PM20D1: variants seen among roughly 807,000 people sequenced by gnomAD.
PM20D1 encodes peptidase M20 domain containing 1, also known as N-fatty-acyl-amino acid synthase/hydrolase PM20D1.
PM20D1 carries 53 observed loss-of-function variants against 53.8 expected under a neutral mutation model. The observed-to-expected ratio is 0.98, with a 90% CI of 0.79 to 1.24. The LOEUF (loss-of-function observed/expected upper bound fraction) is 1.24, where lower values mean the gene tolerates loss of function less well. Among genes scored for constraint, PM20D1 ranks in the 50% most tolerant of loss-of-function variants. The probability of loss-of-function intolerance (pLI) is 0.00; values close to 1 mark genes in which losing one functional copy is unlikely to be tolerated. For synonymous variants in PM20D1, 239 were observed against 241.3 expected, an observed-to-expected ratio of 0.99 and a Z score of 0.09; for missense variants, 564 against 616.8, an observed-to-expected ratio of 0.91 and a Z score of 0.91.
At chr1:205,830,221 A>G (rs1656526714) in intron 12 of PM20D1, 59 bp downstream of exon 12, 3 of 1,311,770 alleles carry the variant, frequency 2.3e-6, no homozygotes, top group South Asian at 2.4e-5. Flanking sequence ...GGGGTAGGAA[A>G]AGGACACATC....
intron 9 of PM20D1, 71 bp from the exon 10 acceptor site, chr1:205,840,394 G>T: frequency 2.8e-6 from 4 of 1,409,290 alleles, no homozygotes; most frequent in South Asian, 2.5e-5. Context: ...CCCAGGAAAT[G>T]CTAATTTCCT....
At chr1:205,839,216 A>G (rs576917242) in intron 10 of PM20D1, among the ~76,000 whole-genome samples, 1 of 152,326 alleles carries the variant, frequency 6.6e-6, no homozygotes, top group East Asian at 1.9e-4. Flanking sequence ...CTATTCGTTA[A>G]GCCACAATGA....
At chr1:205,846,362 G>C (rs555643084) in intron 2 of PM20D1, among the ~76,000 whole-genome samples, 9 of 152,036 alleles carry the variant, frequency 5.9e-5, no homozygotes, top group African/African-American at 2.2e-4. Context: ...CTCCAGCCTG[G>C]CTGACACAGC....
chr1:205,843,736 A>G lies in PM20D1; in HGVS notation c.758T>C (p.Met253Thr). Residue 253 changes from methionine to threonine, a missense_variant, in exon 6 of 13, where the codon ATG (methionine) becomes ACG (threonine). Transcript: ENST00000367136. ...GSMNLMLQVN[M>T]TSGHSSAPPK... Reference sequence around the variant, plus strand: ...AGGAGCTGAAGAGTGGCCTGAAGTCATGTTTACTTGCAGCATGAGGTTCAT... The same window carrying G: ...AGGAGCTGAAGAGTGGCCTGAAGTCGTGTTTACTTGCAGCATGAGGTTCAT... 1 of 1,614,150 alleles carries G rather than the reference A, an allele frequency of 6.2e-7. No individual in the cohort carries two copies.
rs1415274990 is a variant in PM20D1, at chr1:205,832,598, C to T, written c.1285G>A (p.Val429Ile). 2 of 1,613,982 alleles carry T rather than the reference C, an allele frequency of 1.2e-6. No individual in the cohort carries two copies. Among genetic ancestry groups the T allele is most frequent in the Non-Finnish European group, 1.7e-6 (2 of 1,179,998 alleles). Residue 429 changes from valine (V) to isoleucine (I), a missense_variant and splice_region_variant, in exon 11 of 13, where the codon GTT becomes ATT. By Grantham distance (29) the Val-to-Ile change is conservative. Coordinates refer to ENST00000367136, the MANE Select transcript of PM20D1 (RefSeq NM_152491.5). ...VFPEVNITAP[V>I]TSIGNTDSRF... The stretch of plus-strand genomic sequence containing the variant: ...CAGCCACAGCTGATGAAGTCATTAC[C>T]TGGGGCAGTAATATTGACTTCCGGG...
chr1:205,828,821 C>G, intron 12 of PM20D1, 78 bp from the exon 13 acceptor site: 1 of 1,553,804 alleles, frequency 6.4e-7, no homozygotes, highest in Middle Eastern at 1.7e-4. Context: ...AGAGCACTTC[C>G]CTTACTTCCC....
In PM20D1 at chr1:205,845,518, T is replaced by C; in HGVS notation, c.296A>G (p.Glu99Gly). The change falls in exon 3 of 13, where the codon GAA becomes GGA. Residue 99 changes from glutamate to glycine, a missense_variant. Transcript: ENST00000367136. ...CAGGTGGCTATACTCTTCCACGACT[T>C]CATGCTGGATAAAGCTGGTGCTGAC... Reference protein sequence around the residue: ...TVVSTSFIQHEVVEEYSHLFT... With the variant: ...TVVSTSFIQHGVVEEYSHLFT... The C allele has an allele frequency of 6.2e-7, 1 of 1,614,180 alleles. No homozygotes were observed.
At chr1:205,835,545 G>T (rs908566246) in intron 10 of PM20D1, among the ~76,000 whole-genome samples, 1 of 151,564 alleles carries the variant, frequency 6.6e-6, no homozygotes, top group East Asian at 1.9e-4. Flanking sequence ...CCGGCTGCTC[G>T]GGAGGCTGAG....
In PM20D1 at chr1:205,844,870, G is replaced by A; in HGVS notation, c.517C>T (p.Leu173=). 1.2e-6 allele frequency: 2 copies of A among 1,613,906 alleles called. No individual in the cohort carries two copies. Among genetic ancestry groups the A allele is most frequent in the Non-Finnish European group, 1.7e-6 (2 of 1,179,994 alleles). Residue 173 remains leucine (L), a synonymous_variant, in exon 4 of 13, where the codon CTG becomes TTG. Coordinates refer to ENST00000367136, the MANE Select transcript of PM20D1 (RefSeq NM_152491.5). ...CTTCGGGGGATGTACTTCCTGATCA[G>A]CAGGAGCTCCAAGGCCTGCAGTAAT... The part of the protein sequence containing the change: ...MALLQALELL[L]IRKYIPRRSF...
At chr1:205,849,587 T>A (rs1435118535) in intron 1 of PM20D1, among the ~76,000 whole-genome samples, 1 of 152,130 alleles carries the variant, frequency 6.6e-6, no homozygotes, top group Non-Finnish European at 1.5e-5. Flanking sequence ...AAAATTGATG[T>A]ACAAATGAAA....
chr1:205,828,936 T>C (rs1656500040), intron 12 of PM20D1, among the ~76,000 whole-genome samples, 193 bp from the exon 13 acceptor site: 1 of 152,238 alleles, frequency 6.6e-6, no homozygotes, highest in African/African-American at 2.4e-5. Flanking sequence ...CAGGGATCCA[T>C]CTATGCTCGT....
intron 10 of PM20D1, 88 bp from the exon 11 acceptor site, chr1:205,832,854 C>CCCT: frequency 7.1e-7 from 1 of 1,406,862 alleles, no homozygotes; most frequent in South Asian, 1.5e-5. Flanking sequence ...TTCTTTCCAG[C>CCCT]AAGGCAGAGC....
intron 10 of PM20D1, among the ~76,000 whole-genome samples, chr1:205,835,710 G>A (rs1656672373): frequency 6.6e-6 from 1 of 150,700 alleles, no homozygotes; most frequent in African/African-American, 2.4e-5. Context: ...CCTGGCACAT[G>A]GTAAGCACTC....
At chr1:205,842,283 C>T in intron 7 of PM20D1, 68 bp from the exon 8 acceptor site, 1 of 1,423,224 alleles carries the variant, frequency 7.0e-7, no homozygotes, top group Non-Finnish European at 9.9e-7. Context: ...AGACCTGAGT[C>T]TCTCTCTACT....
Position 205,834,190 on chromosome 1 carries a change from G to C in PM20D1, c.1117-1424C>G, listed in dbSNP as rs1273854134. On this transcript the variant is annotated intron_variant, in intron 10 of 12. Coordinates refer to ENST00000367136, the MANE Select transcript of PM20D1 (RefSeq NM_152491.5). ...TTTTTTTTTGAGACAGAATCTCGCTGTGTCGCCCAGGCTGGAGTGCAGTGG... is the reference window on the plus strand; with the variant it reads ...TTTTTTTTTGAGACAGAATCTCGCTCTGTCGCCCAGGCTGGAGTGCAGTGG... 4.3e-3 allele frequency among the ~76,000 whole-genome samples: 477 copies of C among 111,736 alleles called. No homozygotes were observed. In the Middle Eastern group the frequency reaches 0.056, roughly 13 times the overall value. 73.3% of individuals were successfully genotyped at this position (111,736 alleles called of 152,430 possible).
At chr1:205,849,819 C>A (rs1303954800) in intron 1 of PM20D1, 85 bp downstream of exon 1, 10 of 1,489,860 alleles carry the variant, frequency 6.7e-6, no homozygotes, top group Non-Finnish European at 9.1e-6. Flanking sequence ...AGATGCTTTG[C>A]GGCGGAAGCG....
At chr1:205,839,616 C>A (rs1182241690) in intron 10 of PM20D1, among the ~76,000 whole-genome samples, 1 of 151,740 alleles carries the variant, frequency 6.6e-6, no homozygotes, top group East Asian at 1.9e-4. Context: ...AAGGCCGAGG[C>A]GGGTGGCTCA....
chr1:205,830,366 G>A lies in PM20D1; in HGVS notation c.1299C>T (p.Gly433=). 1 of 1,607,938 alleles carries A rather than the reference G, an allele frequency of 6.2e-7. No individual in the cohort carries two copies. The highest frequency in any genetic ancestry group is 8.5e-7 in the Non-Finnish European group (1 of 1,174,402). The part of the protein sequence containing the change: ...VNITAPVTSI[G]NTDSRFFTNL... Reference sequence around the variant, plus strand: ...TTGTAAAGAATCGGCTGTCTGTGTTGCCAATAGAAGTAACTAGAGAGGGAA... The same window carrying A: ...TTGTAAAGAATCGGCTGTCTGTGTTACCAATAGAAGTAACTAGAGAGGGAA... The change falls in exon 12 of 13, where the codon GGC becomes GGT. Residue 433 remains glycine, a synonymous_variant. Coordinates refer to ENST00000367136, the MANE Select transcript of PM20D1 (RefSeq NM_152491.5).
intron 3 of PM20D1, among the ~76,000 whole-genome samples, 198 bp downstream of exon 3, chr1:205,845,127 C>T (rs1303271171): frequency 6.6e-6 from 1 of 152,134 alleles, no homozygotes; most frequent in Non-Finnish European, 1.5e-5. Flanking sequence ...GAAAGGGTCC[C>T]TGGGGACCAT....
Sources: allele counts gnomAD v4.1 joint callset (sites outside exome capture counted in the v4.1 genomes callset), GRCh38; gene constraint gnomAD v4.1.1; transcripts MANE v1.5; gene names NCBI Gene and HGNC (gene_info 2026-07-23, HGNC 2026-07-21).